RAB11FIP4: variants seen among roughly 807,000 people sequenced by gnomAD.
RAB11FIP4 encodes RAB11 family interacting protein 4, also known as rab11 family-interacting protein 4.
RAB11FIP4 carries 23 observed loss-of-function variants against 74.3 expected under a neutral mutation model. The observed-to-expected ratio is 0.31, with a 90% confidence interval of 0.22 to 0.44. The LOEUF (loss-of-function observed/expected upper bound fraction) is 0.44. Among genes scored for constraint, RAB11FIP4 ranks in the 20% least tolerant of loss-of-function variants. The pLI, the probability that RAB11FIP4 is intolerant of heterozygous loss-of-function variation, is 1.00. For synonymous variants in RAB11FIP4, 360 were observed against 359.9 expected (o/e 1.00, Z 0.00); for missense variants, 630 against 863.9 (o/e 0.73, Z 3.39).
At chr17:31,497,815 GT>G (rs2072145654) in intron 3 of RAB11FIP4, among the ~76,000 whole-genome samples, 1 of 152,130 alleles carries the variant, frequency 6.6e-6, no homozygotes, top group African/African-American at 2.4e-5. Flanking sequence ...GCAGGTGATG[GT>G]TTTAAACCTT....
rs1410612791 is a variant in RAB11FIP4 at position 31,512,807 on chromosome 17, G to T, written c.337-4844G>T. ...AGCTCCAGGCCTGGACATGTGTAGGGTCCCTGGGTGGTGACTGGACGGCCG... is the reference window on the plus strand; with the variant it reads ...AGCTCCAGGCCTGGACATGTGTAGGTTCCCTGGGTGGTGACTGGACGGCCG... On this transcript the variant is annotated intron_variant, in intron 3 of 14. Transcript: ENST00000621161. The surrounding 1 kb of genome is among the most constrained non-coding windows in gnomAD (Gnocchi z 4.1). Among the ~76,000 whole-genome samples the T allele has an allele frequency of 8.9e-6, 1 of 112,894 alleles. No homozygotes were observed. The highest frequency in any genetic ancestry group is 8.7e-5 in the Admixed American group (1 of 11,446). 74.1% of individuals were successfully genotyped at this position (112,894 alleles called of 152,430 possible).
chr17:31,473,533 T>C (rs11080154), intron 3 of RAB11FIP4, among the ~76,000 whole-genome samples: 29,873 of 152,050 alleles, frequency 0.2, 3,316 homozygotes, highest in African/African-American at 0.3. Flanking sequence ...AGAGTGAGAC[T>C]CTGTCTCAAA....
At chr17:31,397,394 G>A (rs2070940978) in intron 1 of RAB11FIP4, among the ~76,000 whole-genome samples, 1 of 152,182 alleles carries the variant, frequency 6.6e-6, no homozygotes, top group Admixed American at 6.5e-5. Context: ...GAATTGACAG[G>A]GGCCTGGAAG....
chr17:31,505,559 AT>A (rs2072317491), intron 3 of RAB11FIP4, among the ~76,000 whole-genome samples: 2 of 89,320 alleles, frequency 2.2e-5, no homozygotes, highest in Non-Finnish European at 4.1e-5. Flanking sequence ...TATAATAATA[AT>A]TATAATATAT....
chr17:31,402,695 C>T (rs2071000523), intron 1 of RAB11FIP4, among the ~76,000 whole-genome samples: 1 of 151,076 alleles, frequency 6.6e-6, no homozygotes, highest in African/African-American at 2.5e-5. Context: ...AATCTTGACT[C>T]ACTGCAAGCT....
At chr17:31,506,188 G>A (rs2072345713) in intron 3 of RAB11FIP4, among the ~76,000 whole-genome samples, 1 of 152,040 alleles carries the variant, frequency 6.6e-6, no homozygotes, top group African/African-American at 2.4e-5. Flanking sequence ...TCTTTTAATA[G>A]GATTATTTAC....
intron 3 of RAB11FIP4, among the ~76,000 whole-genome samples, chr17:31,435,693 G>A (rs2071350723): frequency 6.6e-6 from 1 of 152,214 alleles, no homozygotes; most frequent in African/African-American, 2.4e-5. Context: ...TGGGTCGTGG[G>A]GTCAGGGTTA....
intron 3 of RAB11FIP4, among the ~76,000 whole-genome samples, chr17:31,498,675 G>A (rs1013918398): frequency 5.9e-5 from 9 of 152,206 alleles, no homozygotes; most frequent in African/African-American, 1.7e-4. Context: ...GCTTTGGACC[G>A]TGGGTCAGCT....
At chr17:31,467,123 C>CTTTTCT (rs1315690130) in intron 3 of RAB11FIP4, among the ~76,000 whole-genome samples, 2 of 151,630 alleles carry the variant, frequency 1.3e-5, no homozygotes, top group Non-Finnish European at 2.9e-5. Flanking sequence ...CTTTTCTTTT[C>CTTTTCT]TTTTTTTGAG....
chr17:31,522,780 G>A (rs775256513), intron 7 of RAB11FIP4: 4 of 246,658 alleles, frequency 1.6e-5, no homozygotes, highest in South Asian at 7.8e-5. Flanking sequence ...ATGAGTGTGC[G>A]CCATTGGGGC....
chr17:31,462,044 C>T (rs1483064268), intron 3 of RAB11FIP4, among the ~76,000 whole-genome samples: 4 of 152,046 alleles, frequency 2.6e-5, no homozygotes, highest in Non-Finnish European at 4.4e-5. Flanking sequence ...GGTGGATCAC[C>T]TGAGGTCAGG....
chr17:31,441,071 C>T (rs2071402898), intron 3 of RAB11FIP4, among the ~76,000 whole-genome samples: 1 of 152,138 alleles, frequency 6.6e-6, no homozygotes, highest in Non-Finnish European at 1.5e-5. Context: ...ATTGCCCAGG[C>T]TGGAGTGCAG....
chr17:31,492,334 T>C (rs1423487944), intron 3 of RAB11FIP4, among the ~76,000 whole-genome samples: 1 of 152,182 alleles, frequency 6.6e-6, no homozygotes, highest in Admixed American at 6.5e-5. Flanking sequence ...ATCATATATA[T>C]GTGTGTACAC....
Position 31,537,479 on chromosome 17 carries a change from TC to T in RAB11FIP4, c.*5750del, listed in dbSNP as rs1209995384. The T allele has an allele frequency of 1.2e-5, 4 of 345,874 alleles. No individual in the cohort carries two copies. The highest frequency in any genetic ancestry group is 2.1e-5 in the Non-Finnish European group (4 of 192,240). 21.4% of individuals were successfully genotyped at this position (345,874 alleles called of 1,614,324 possible). ...GGGCAACTTTGTGTAAAGCAGCTTC[TC>T]CCACAGAGCTTTCCCTGCATTGTTA... On this transcript the variant is annotated 3_prime_UTR_variant, in exon 15 of 15. Coordinates refer to ENST00000621161, the MANE Select transcript of RAB11FIP4 (RefSeq NM_032932.6).
chr17:31,493,806 C>G lies in RAB11FIP4; in HGVS notation c.337-23845C>G, dbSNP rs527543468. Among the ~76,000 whole-genome samples, 72 of 152,316 alleles carry G rather than the reference C, an allele frequency of 4.7e-4. 3 individuals are homozygous for G. The South Asian group carries it at 0.014, about 30-fold the overall frequency. Reference sequence around the variant, plus strand: ...ACTCCCTCTGCCTGTGGGCAGGCAGCAGCATGGTTCTGTGGGGTCCTAAGG... The same window carrying G: ...ACTCCCTCTGCCTGTGGGCAGGCAGGAGCATGGTTCTGTGGGGTCCTAAGG... On this transcript the variant is annotated intron_variant, in intron 3 of 14. Coordinates refer to ENST00000621161, the MANE Select transcript of RAB11FIP4 (RefSeq NM_032932.6).
rs983386327 is a variant in RAB11FIP4 at position 31,439,787 on chromosome 17, TTTTG to T, written c.336+5685_336+5688del. Among the ~76,000 whole-genome samples, 13 of 152,114 alleles carry T rather than the reference TTTTG, an allele frequency of 8.5e-5. No homozygotes were observed. In the East Asian group the frequency reaches 1.2e-3, roughly 14 times the overall value. ...CACCACATCCAGCTAATTTTTGTTT[TTTTG>T]TTTGTTTGTTTGTTTGTTTTGTTTT... On this transcript the variant is annotated intron_variant, in intron 3 of 14. Coordinates refer to ENST00000621161, the MANE Select transcript of RAB11FIP4 (RefSeq NM_032932.6).
chr17:31,521,028 A>T, intron 4 of RAB11FIP4, 138 bp from the exon 5 acceptor site: 1 of 622,616 alleles, frequency 1.6e-6, no homozygotes, highest in Non-Finnish European at 2.7e-6. Context: ...GGGTCCCTGA[A>T]ATGTACTTAC....
intron 3 of RAB11FIP4, among the ~76,000 whole-genome samples, chr17:31,479,248 T>A (rs1308200326): frequency 6.6e-6 from 1 of 152,182 alleles, no homozygotes; most frequent in African/African-American, 2.4e-5. Flanking sequence ...AGGTTCCCAT[T>A]AGGTAGAGGA....
intron 3 of RAB11FIP4, among the ~76,000 whole-genome samples, chr17:31,437,563 A>C (rs1488077900): frequency 2.0e-5 from 3 of 152,096 alleles, no homozygotes; most frequent in African/African-American, 7.2e-5. Context: ...AGGTGTGGGG[A>C]TGACACACAG....
Sources: gnomAD v4.1 joint callset for allele counts (sites outside exome capture counted in the v4.1 genomes callset) on GRCh38, gnomAD v4.1.1 for gene constraint, Gnocchi (gnomAD v3.1) non-coding constraint, MANE v1.5 for transcripts, NCBI Gene and HGNC (gene_info 2026-07-23, HGNC 2026-07-21) for gene names.